KCNC4: variants seen among roughly 807,000 people sequenced by gnomAD.
KCNC4 encodes the protein voltage-gated potassium channel KCNC4.
Under a neutral mutation model 42.8 loss-of-function variants are expected in KCNC4, and 23 were observed. The ratio of observed to expected loss-of-function variants is 0.54; its 90% confidence interval spans 0.39 to 0.76. The LOEUF (loss-of-function observed/expected upper bound fraction) is 0.76. Among genes scored for constraint, KCNC4 ranks in the 30% least tolerant of loss-of-function variants. KCNC4 has a pLI of 0.00. For synonymous variants in KCNC4, 422 were observed against 393.5 expected, an observed-to-expected ratio of 1.07 and a Z score of -0.86; for missense variants, 751 against 898.2, an observed-to-expected ratio of 0.84 and a Z score of 2.10.
Position 110,210,726 on chromosome 1 carries a change from G to T in KCNC4, c.-774G>T, listed in dbSNP as rs1038531130. Reference sequence around the variant, plus strand: ...GCGCGGCCCCCGCAGCGCTGCGCCCGGTCCGGCGCAGCTCCCAGCCGCGGA... The same window carrying T: ...GCGCGGCCCCCGCAGCGCTGCGCCCTGTCCGGCGCAGCTCCCAGCCGCGGA... On this transcript the variant is annotated 5_prime_UTR_variant, in exon 1 of 4. Transcript: ENST00000438661. 6.6e-6 allele frequency among the ~76,000 whole-genome samples: 1 copy of T among 151,178 alleles called. No individual in the cohort carries two copies. The highest frequency in any genetic ancestry group is 2.4e-5 in the African/African-American group (1 of 41,260).
chr1:110,211,734 G>T lies in KCNC4; in HGVS notation c.235G>T (p.Gly79Cys), dbSNP rs1657468679. Residue 79 changes from glycine to cysteine, a missense_variant, in exon 1 of 4, where the codon GGC (glycine) becomes TGC (cysteine). Coordinates refer to ENST00000438661, the MANE Select transcript of KCNC4 (RefSeq NM_001039574.3). The surrounding 1 kb of genome is among the most constrained non-coding windows in gnomAD (Gnocchi z 6.5). ...DGGGRPETDG[G>C]GVGSSGSSGG... ...CGGGGGCCGGCCCGAGACCGATGGC[G>T]GCGGTGTGGGTAGCAGCGGCAGCAG... 1 of 1,608,880 alleles carries T rather than the reference G, an allele frequency of 6.2e-7. No homozygotes were observed. Among genetic ancestry groups the T allele is most frequent in the Non-Finnish European group, 8.5e-7 (1 of 1,178,106 alleles).
At chr1:110,234,525 C>T (rs1357541288), downstream of KCNC4, 1 of 152,258 alleles carries the variant, frequency 6.6e-6, no homozygotes, top group Non-Finnish European at 1.5e-5. Flanking sequence ...TGAACACATC[C>T]TGGGCCTGGA....
exon 4 of KCNC4, chr1:110,243,780 C>T (rs1219001831): frequency 2.6e-5 from 4 of 152,130 alleles, no homozygotes; most frequent in Non-Finnish European, 4.4e-5. Context: ...TAAAATGAAC[C>T]GAACAGGCTG....
chr1:110,253,460 T>G (rs74583595), downstream of KCNC4, among the ~76,000 whole-genome samples: 575 of 152,236 alleles, frequency 3.8e-3, 4 homozygotes, highest in Non-Finnish European at 6.4e-3. Context: ...ACAAACAGAG[T>G]GTTGAATAAA....
downstream of KCNC4, chr1:110,238,189 G>T (rs1658951271): frequency 6.6e-6 from 1 of 152,172 alleles, no homozygotes; most frequent in African/African-American, 2.4e-5. Context: ...AGGTTATGGG[G>T]GCTTCTCCAC....
intron 1 of KCNC4, among the ~76,000 whole-genome samples, chr1:110,265,096 A>G (rs1009714938): frequency 4.6e-4 from 70 of 151,950 alleles, no homozygotes; most frequent in African/African-American, 1.3e-3. Context: ...AAAAAAAAAA[A>G]AAAAGGTGGG....
chr1:110,219,867 T>A (rs1208485123), intron 1 of KCNC4: 2 of 152,132 alleles, frequency 1.3e-5, no homozygotes, highest in Admixed American at 6.5e-5. Context: ...AAGGAATAAT[T>A]TGGGCCCTGA....
At chr1:110,213,170 T>TAAAAAAAAAAAAA (rs760587471) in intron 1 of KCNC4, among the ~76,000 whole-genome samples, 4 of 50,846 alleles carry the variant, frequency 7.9e-5, no homozygotes, top group African/African-American at 3.5e-4. Flanking sequence ...CTTCGACAGC[T>TAAAAAAAAAAAAA]AAAAAAAAAA....
exon 4 of KCNC4, chr1:110,244,196 C>T (rs1255606548): frequency 1.3e-5 from 2 of 152,108 alleles, no homozygotes; most frequent in Non-Finnish European, 2.9e-5. Context: ...AATACTATTT[C>T]CCTTATTAGA....
intron 3 of KCNC4, 68 bp from the exon 4 acceptor site, chr1:110,232,843 C>G: frequency 6.4e-7 from 1 of 1,558,404 alleles, no homozygotes; most frequent in Non-Finnish European, 8.7e-7. Flanking sequence ...GTCCCCCCAA[C>G]CCCAGAAGGC....
chr1:110,236,621 A>C (rs573708882), downstream of KCNC4: 4 of 152,294 alleles, frequency 2.6e-5, no homozygotes, highest in East Asian at 1.9e-4. Flanking sequence ...TTCATTCATT[A>C]ATTAGCAGCA....
At position 110,268,359 on chromosome 1, in the gene KCNC4, G is replaced by A. The variant is rs556610856; in HGVS notation, n.31-14175G>A. Among the ~76,000 whole-genome samples the A allele has an allele frequency of 4.6e-5, 7 of 152,296 alleles. No homozygotes were observed. In the East Asian group the frequency reaches 1.2e-3, roughly 25 times the overall value. On this transcript the variant is annotated intron_variant and non_coding_transcript_variant, in intron 1 of 2. Transcript: ENST00000412512. ...ACCGTGGCTCACGCCTGTAATCCCA[G>A]CACTTTGGGAGGCCGAGGCGGGCAG...
In KCNC4 at chr1:110,273,868, AT is replaced by A. The variant is rs1311618601; in HGVS notation, n.31-8663del. Among the ~76,000 whole-genome samples the A allele has an allele frequency of 9.2e-5, 14 of 152,196 alleles. No homozygotes were observed. In the South Asian group the frequency reaches 2.1e-3, roughly 22 times the overall value. On this transcript the variant is annotated intron_variant and non_coding_transcript_variant, in intron 1 of 2. Transcript: ENST00000412512. ...TGAGTTTTCTGAGGGAGTCATCCAA[AT>A]TTCAGAGTCTGCACTGGTGGTAGAG...
At chr1:110,275,883 G>A (rs910018613) in intron 1 of KCNC4, among the ~76,000 whole-genome samples, 1 of 147,956 alleles carries the variant, frequency 6.8e-6, no homozygotes, top group East Asian at 1.9e-4. Context: ...ACTTGGACCC[G>A]GGAGGTGGAG....
downstream of KCNC4, among the ~76,000 whole-genome samples, chr1:110,283,298 C>A (rs764415389): frequency 4.6e-5 from 7 of 152,154 alleles, no homozygotes; most frequent in Non-Finnish European, 1.0e-4. Context: ...TTTCAACATG[C>A]ATTTTGGTGG....
chr1:110,231,376 G>A (rs1260514635), intron 3 of KCNC4, among the ~76,000 whole-genome samples: 1 of 152,086 alleles, frequency 6.6e-6, no homozygotes, highest in African/African-American at 2.4e-5. Flanking sequence ...TTCCTAGGAA[G>A]ACCCCTCCCC....
intron 1 of KCNC4, among the ~76,000 whole-genome samples, chr1:110,262,767 G>A (rs1299759006): frequency 6.6e-6 from 1 of 152,010 alleles, no homozygotes; most frequent in Non-Finnish European, 1.5e-5. Context: ...TACTTCTTAG[G>A]TCCCATTTCT....
At chr1:110,258,636 A>G (rs572938435) in intron 1 of KCNC4, among the ~76,000 whole-genome samples, 1 of 152,272 alleles carries the variant, frequency 6.6e-6, no homozygotes, top group Admixed American at 6.5e-5. Flanking sequence ...TCCTCCTTCA[A>G]ATCATTCACA....
exon 4 of KCNC4, chr1:110,243,107 G>A (rs1213082186): frequency 1.3e-5 from 2 of 152,262 alleles, no homozygotes; most frequent in Non-Finnish European, 2.9e-5. Flanking sequence ...CTAGACCCAG[G>A]CAGTAAACAG....
Sources: allele counts gnomAD v4.1 joint callset (sites outside exome capture counted in the v4.1 genomes callset), GRCh38; gene constraint gnomAD v4.1.1; non-coding constraint Gnocchi (gnomAD v3.1); transcripts MANE v1.5; gene names NCBI Gene and HGNC (gene_info 2026-07-23, HGNC 2026-07-21).